The following PTPRD variants were observed in gnomAD, a reference collection of about 807,000 sequenced individuals.
PTPRD encodes receptor-type tyrosine-protein phosphatase delta.
A neutral mutation model predicts 214.5 loss-of-function variants in PTPRD; 34 were observed. The ratio of observed to expected loss-of-function variants is 0.16; its 90% CI spans 0.12 to 0.21. PTPRD has a LOEUF of 0.21. PTPRD is among the 10% of genes least tolerant of loss of function. The pLI is 1.00. For missense variants in PTPRD, 2,545 were observed against 2,398.7 expected (o/e 1.06, Z -1.27); for synonymous variants, 1,128 against 845.7 (o/e 1.33, Z -5.79).
intron 11 of PTPRD, among the ~76,000 whole-genome samples, chr9:8,993,874 GAC>G (rs1431619462): frequency 6.6e-6 from 1 of 152,030 alleles, no homozygotes; most frequent in African/African-American, 2.4e-5. Flanking sequence ...TAGCAGGAGG[GAC>G]ACAATGTAAA....
intron 10 of PTPRD, among the ~76,000 whole-genome samples, chr9:9,076,603 C>T (rs922492670): frequency 1.3e-5 from 2 of 151,998 alleles, no homozygotes; most frequent in Non-Finnish European, 2.9e-5. Context: ...CCTTCAGTTC[C>T]ATCTCTGTTG....
intron 3 of PTPRD, among the ~76,000 whole-genome samples, chr9:10,113,786 G>A (rs984961700): frequency 1.1e-4 from 16 of 152,170 alleles, no homozygotes. Flanking sequence ...ATGCAGCAGT[G>A]GGGCCTGTGA....
At chr9:10,487,976 C>CTCTCTCTT (rs2099143898) in intron 2 of PTPRD, among the ~76,000 whole-genome samples, 2 of 146,236 alleles carry the variant, frequency 1.4e-5, no homozygotes, top group Middle Eastern at 3.5e-3. Flanking sequence ...GTCTCTCTCT[C>CTCTCTCTT]TCTCTCTCTC....
chr9:10,436,582 C>A (rs1444811587), intron 2 of PTPRD, among the ~76,000 whole-genome samples: 2 of 151,518 alleles, frequency 1.3e-5, no homozygotes, highest in Non-Finnish European at 3.0e-5. Flanking sequence ...TTACTATAAT[C>A]TTTTCCTTAC....
At chr9:9,654,340 T>A (rs2096455774) in intron 7 of PTPRD, among the ~76,000 whole-genome samples, 1 of 152,144 alleles carries the variant, frequency 6.6e-6, no homozygotes, top group South Asian at 2.1e-4. Context: ...TTAAGATAAG[T>A]AATGATTTCA....
intron 5 of PTPRD, among the ~76,000 whole-genome samples, chr9:9,888,316 T>C (rs370845907): frequency 6.6e-6 from 1 of 152,324 alleles, no homozygotes; most frequent in Admixed American, 6.5e-5. Flanking sequence ...AGTCATTATC[T>C]ACTTTGGACA....
intron 9 of PTPRD, among the ~76,000 whole-genome samples, chr9:9,326,285 A>C (rs1447814346): frequency 6.6e-6 from 1 of 152,180 alleles, no homozygotes; most frequent in African/African-American, 2.4e-5. Flanking sequence ...ATGATAATTC[A>C]TGTGGATAAT....
intron 10 of PTPRD, among the ~76,000 whole-genome samples, chr9:9,079,304 G>A (rs1295665446): frequency 6.6e-6 from 1 of 151,876 alleles, no homozygotes; most frequent in Non-Finnish European, 1.5e-5. Flanking sequence ...AGAGCACACA[G>A]CATTTAACTT....
At chr9:10,126,330 A>G (rs995196306) in intron 3 of PTPRD, among the ~76,000 whole-genome samples, 1 of 151,848 alleles carries the variant, frequency 6.6e-6, no homozygotes, top group East Asian at 1.9e-4. Flanking sequence ...TAATATCATC[A>G]TACTTGTTTT....
intron 10 of PTPRD, among the ~76,000 whole-genome samples, chr9:9,084,263 G>A (rs999577073): frequency 3.9e-5 from 6 of 152,190 alleles, no homozygotes; most frequent in Non-Finnish European, 8.8e-5. Context: ...GGACATGGAT[G>A]AAGCTAGAAA....
chr9:10,350,976 A>G (rs1054630873), intron 2 of PTPRD, among the ~76,000 whole-genome samples: 1 of 152,168 alleles, frequency 6.6e-6, no homozygotes, highest in African/African-American at 2.4e-5. Flanking sequence ...ATAGCAGAGA[A>G]GAGATGGGTA....
At chr9:9,275,167 T>G (rs1944920920) in intron 9 of PTPRD, among the ~76,000 whole-genome samples, 1 of 37,238 alleles carries the variant, frequency 2.7e-5, no homozygotes, top group East Asian at 8.5e-4. Context: ...ATATATAACA[T>G]ATATATAATA....
intron 3 of PTPRD, among the ~76,000 whole-genome samples, chr9:10,159,080 T>C (rs1346636895): frequency 1.3e-5 from 2 of 151,930 alleles, no homozygotes; most frequent in South Asian, 4.2e-4. Flanking sequence ...CTTTGGAATA[T>C]CCCCCATTCC....
chr9:10,265,321 A>G (rs2475345), intron 3 of PTPRD, among the ~76,000 whole-genome samples: 1 of 152,006 alleles, frequency 6.6e-6, no homozygotes, highest in Admixed American at 6.6e-5. Flanking sequence ...TCCTGACCAC[A>G]TCAGCTAACA....
At chr9:9,567,824 T>C (rs1177640898) in intron 8 of PTPRD, among the ~76,000 whole-genome samples, 1 of 151,950 alleles carries the variant, frequency 6.6e-6, no homozygotes, top group African/African-American at 2.4e-5. Flanking sequence ...ATGATCCTTA[T>C]AGGCTGGGGC....
intron 9 of PTPRD, among the ~76,000 whole-genome samples, chr9:9,212,401 G>A (rs2099949358): frequency 6.6e-6 from 1 of 152,054 alleles, no homozygotes. Context: ...GTGTCTTCCA[G>A]CTACTCTCTA....
chr9:9,880,491 GA>G (rs2153736061), intron 5 of PTPRD, among the ~76,000 whole-genome samples: 1 of 152,174 alleles, frequency 6.6e-6, no homozygotes, highest in Non-Finnish European at 1.5e-5. Flanking sequence ...AAACAGTATA[GA>G]ATTTATATAC....
intron 3 of PTPRD, among the ~76,000 whole-genome samples, chr9:10,069,114 T>C (rs1038238533): frequency 7.9e-5 from 12 of 152,020 alleles, no homozygotes; most frequent in African/African-American, 2.4e-4. Flanking sequence ...CTTCACAAAA[T>C]GGCTTTCATC....
intron 12 of PTPRD, among the ~76,000 whole-genome samples, chr9:8,676,244 T>C (rs939486193): frequency 5.3e-5 from 8 of 152,206 alleles, no homozygotes; most frequent in African/African-American, 1.9e-4. Flanking sequence ...CCTCTGAGGC[T>C]GAGAGATGCT....
Sources: gnomAD v4.1 joint callset for allele counts (sites outside exome capture counted in the v4.1 genomes callset) on GRCh38, gnomAD v4.1.1 for gene constraint, MANE v1.5 for transcripts, NCBI Gene and HGNC (gene_info 2026-07-23, HGNC 2026-07-21) for gene names.